SEM1: variants seen among roughly 807,000 people sequenced by gnomAD.
The protein encoded by SEM1 is 26S proteasome complex subunit SEM1.
A neutral mutation model predicts 12.7 loss-of-function variants in SEM1; 3 were observed. The ratio of observed to expected loss-of-function variants is 0.24; its 90% CI spans 0.11 to 0.61. SEM1 has a LOEUF of 0.61. Among genes scored for constraint, SEM1 ranks in the 20% least tolerant of loss-of-function variants. SEM1 has a pLI of 0.88. For missense variants in SEM1, 59 were observed against 81.3 expected (o/e 0.73, Z 1.06); for synonymous variants, 30 against 27.8 (o/e 1.08, Z -0.25).
At chr7:96,653,567 T>C (rs1449361906) in intron 2 of SEM1, 2 of 152,244 alleles carry the variant, frequency 1.3e-5, no homozygotes, top group East Asian at 1.9e-4. Flanking sequence ...GGAGGGCAAA[T>C]GGACTTACTT....
chr7:96,540,352 A>G (rs1033011637), intron 2 of SEM1, among the ~76,000 whole-genome samples: 2 of 151,800 alleles, frequency 1.3e-5, no homozygotes, highest in African/African-American at 4.8e-5. Flanking sequence ...ATGATTAAGT[A>G]TTTTAAAATC....
At chr7:96,607,263 C>A (rs1807408395) in intron 2 of SEM1, among the ~76,000 whole-genome samples, 1 of 152,140 alleles carries the variant, frequency 6.6e-6, no homozygotes, top group Non-Finnish European at 1.5e-5. Flanking sequence ...TGTCATGTTG[C>A]TATCATGATA....
At chr7:96,701,937 C>G (rs1250809223) in intron 1 of SEM1, among the ~76,000 whole-genome samples, 4 of 151,944 alleles carry the variant, frequency 2.6e-5, no homozygotes, top group Admixed American at 2.6e-4. Context: ...GGAGGGCATT[C>G]CTGGAGAGGG....
intron 2 of SEM1, among the ~76,000 whole-genome samples, chr7:96,674,696 A>C (rs950878552): frequency 1.3e-5 from 2 of 152,186 alleles, no homozygotes; most frequent in African/African-American, 4.8e-5. Context: ...GTATACATAC[A>C]ATGCATACAA....
At chr7:96,537,361 A>G (rs1414756549) in intron 2 of SEM1, among the ~76,000 whole-genome samples, 1 of 151,700 alleles carries the variant, frequency 6.6e-6, no homozygotes, top group Non-Finnish European at 1.5e-5. Flanking sequence ...TTACTTTGAC[A>G]CTTCTGTTTT....
At chr7:96,708,052 T>C (rs909988457) in intron 1 of SEM1, 2 of 152,230 alleles carry the variant, frequency 1.3e-5, no homozygotes, top group Non-Finnish European at 1.5e-5. Context: ...ATAATTAGAT[T>C]ATGTAATGCA....
At chr7:96,518,966 T>C (rs1346841197) in intron 2 of SEM1, among the ~76,000 whole-genome samples, 1 of 152,160 alleles carries the variant, frequency 6.6e-6, no homozygotes, top group Non-Finnish European at 1.5e-5. Flanking sequence ...TTTAACCCAG[T>C]GATATCTACT....
At chr7:96,674,728 A>T (rs909724159) in intron 2 of SEM1, among the ~76,000 whole-genome samples, 3 of 152,222 alleles carry the variant, frequency 2.0e-5, no homozygotes, top group African/African-American at 7.2e-5. Flanking sequence ...TTGTGGTTTC[A>T]TAATAGGAAT....
Position 96,709,788 on chromosome 7 carries a change from C to T in SEM1, c.-25G>A. 1 of 1,611,776 alleles carries T rather than the reference C, an allele frequency of 6.2e-7. No homozygotes were observed. Among genetic ancestry groups the T allele is most frequent in the Non-Finnish European group, 8.5e-7 (1 of 1,178,284 alleles). On this transcript the variant is annotated 5_prime_UTR_variant, in exon 1 of 3. Transcript: ENST00000248566. ...TCTCGACTGTCCGCGCCCAACACCTCCCAGATAAGCAGAAAAGTTGGAACC... is the reference window on the plus strand; with the variant it reads ...TCTCGACTGTCCGCGCCCAACACCTTCCAGATAAGCAGAAAAGTTGGAACC...
chr7:96,495,577 T>C (rs1353815751), intron 1 of SEM1, among the ~76,000 whole-genome samples: 2 of 152,188 alleles, frequency 1.3e-5, no homozygotes, highest in Non-Finnish European at 2.9e-5. Flanking sequence ...CAGAGGGCCT[T>C]GAATAAACTA....
At chr7:96,502,021 C>T (rs1198686610) in intron 3 of SEM1, among the ~76,000 whole-genome samples, 1 of 152,086 alleles carries the variant, frequency 6.6e-6, no homozygotes, top group Non-Finnish European at 1.5e-5. Flanking sequence ...GGATAATGGC[C>T]TCCAACTGCA....
At chr7:96,566,009 C>G (rs1355237428) in intron 2 of SEM1, among the ~76,000 whole-genome samples, 9 of 151,896 alleles carry the variant, frequency 5.9e-5, no homozygotes, top group African/African-American at 2.2e-4. Context: ...TCATATAGCA[C>G]TTTAGTCCAA....
chr7:96,484,731 C>G (rs893849798), intron 3 of SEM1: 15 of 681,030 alleles, frequency 2.2e-5, no homozygotes, highest in African/African-American at 1.3e-4. Flanking sequence ...TTCCGAATGA[C>G]TCAATTTCAC....
intron 2 of SEM1, among the ~76,000 whole-genome samples, chr7:96,648,389 G>C (rs557716433): frequency 6.6e-6 from 1 of 152,246 alleles, no homozygotes; most frequent in South Asian, 2.1e-4. Context: ...ACTAAACAAA[G>C]CTGAAAAAAC....
intron 2 of SEM1, among the ~76,000 whole-genome samples, chr7:96,659,487 TAGAG>T (rs1432382129): frequency 1.3e-5 from 2 of 152,108 alleles, no homozygotes; most frequent in African/African-American, 4.8e-5. Context: ...CCAGAGGAGA[TAGAG>T]AAACTTGTTT....
chr7:96,599,728 G>A (rs1243053276), intron 2 of SEM1, among the ~76,000 whole-genome samples: 1 of 152,126 alleles, frequency 6.6e-6, no homozygotes, highest in Non-Finnish European at 1.5e-5. Context: ...CACGCATCCT[G>A]GGGTCAGCGC....
At chr7:96,686,761 T>C (rs1352162079), downstream of SEM1, among the ~76,000 whole-genome samples, 1 of 152,044 alleles carries the variant, frequency 6.6e-6, no homozygotes, top group Non-Finnish European at 1.5e-5. Flanking sequence ...CCAAAAGCAA[T>C]GGCAACAAAA....
At chr7:96,505,591 T>TATA (rs1174218229) in intron 3 of SEM1, among the ~76,000 whole-genome samples, 1 of 152,168 alleles carries the variant, frequency 6.6e-6, no homozygotes, top group Admixed American at 6.5e-5. Flanking sequence ...TTTTGGCTGC[T>TATA]ATAACAAAAT....
intron 2 of SEM1, among the ~76,000 whole-genome samples, chr7:96,607,882 C>G (rs1327195870): frequency 6.6e-6 from 1 of 152,188 alleles, no homozygotes; most frequent in African/African-American, 2.4e-5. Context: ...TTTATCCATT[C>G]AGCAAGCATT....
Sources: gnomAD v4.1 joint callset for allele counts (sites outside exome capture counted in the v4.1 genomes callset) on GRCh38, gnomAD v4.1.1 for gene constraint, MANE v1.5 for transcripts, NCBI Gene and HGNC (gene_info 2026-07-23, HGNC 2026-07-21) for gene names.